SHISA6: variants seen among roughly 807,000 people sequenced by gnomAD.
The protein encoded by SHISA6 is protein shisa-6.
Under a neutral mutation model 47.9 loss-of-function variants are expected in SHISA6, and 22 were observed. The ratio of observed to expected loss-of-function variants is 0.46; its 90% CI spans 0.33 to 0.66. The LOEUF is 0.66. SHISA6 is among the 30% of genes least tolerant of loss of function. The probability of loss-of-function intolerance (pLI) is 0.02; values close to 1 mark genes in which losing one functional copy is unlikely to be tolerated. For missense variants in SHISA6, 680 were observed against 764.6 expected (o/e 0.89, Z 1.30); for synonymous variants, 388 against 337.8 (o/e 1.15, Z -1.63).
chr17:11,459,598 T>G (rs1255381073), intron 3 of SHISA6, among the ~76,000 whole-genome samples: 4 of 152,186 alleles, frequency 2.6e-5, no homozygotes, highest in Non-Finnish European at 5.9e-5. Context: ...AGGTTTTATG[T>G]GCTGTTTAAT....
At chr17:11,332,182 C>T (rs747638619) in intron 2 of SHISA6, among the ~76,000 whole-genome samples, 1 of 151,838 alleles carries the variant, frequency 6.6e-6, no homozygotes, top group Non-Finnish European at 1.5e-5. Flanking sequence ...GACAAGTGAG[C>T]GTCCTAATTA....
chr17:11,539,374 G>C (rs756237682), intron 3 of SHISA6, among the ~76,000 whole-genome samples: 2 of 152,228 alleles, frequency 1.3e-5, no homozygotes, highest in Admixed American at 6.5e-5. Context: ...GCCATTGAAT[G>C]ATCATGAAGA....
intron 1 of SHISA6, among the ~76,000 whole-genome samples, chr17:11,251,002 G>A (rs1907781547): frequency 6.6e-6 from 1 of 152,138 alleles, no homozygotes; most frequent in Admixed American, 6.5e-5. Flanking sequence ...CATCCCGTCT[G>A]AGTGTAGGGG....
chr17:11,315,810 C>G (rs1910491087), intron 2 of SHISA6, among the ~76,000 whole-genome samples: 1 of 152,068 alleles, frequency 6.6e-6, no homozygotes, highest in Non-Finnish European at 1.5e-5. Context: ...ATTTTCCCAT[C>G]AAAATTTGGT....
chr17:11,489,809 C>A (rs2142336998), intron 3 of SHISA6, among the ~76,000 whole-genome samples: 1 of 152,290 alleles, frequency 6.6e-6, no homozygotes, highest in East Asian at 1.9e-4. Context: ...TTACTGGCAA[C>A]TAGTGGGTAA....
chr17:11,346,975 C>T (rs1911719706), intron 2 of SHISA6, among the ~76,000 whole-genome samples: 1 of 152,166 alleles, frequency 6.6e-6, no homozygotes, highest in South Asian at 2.1e-4. Flanking sequence ...CTTTCCATTG[C>T]ATGACTTTTA....
intron 2 of SHISA6, among the ~76,000 whole-genome samples, chr17:11,307,910 G>T (rs2142183525): frequency 6.6e-6 from 1 of 152,296 alleles, no homozygotes; most frequent in East Asian, 1.9e-4. Flanking sequence ...AATGTTGAAG[G>T]TAGAATAACT....
chr17:11,413,038 T>G (rs576385522), intron 3 of SHISA6, among the ~76,000 whole-genome samples: 1 of 152,138 alleles, frequency 6.6e-6, no homozygotes, highest in South Asian at 2.1e-4. Flanking sequence ...ACTTTGCTAC[T>G]CCTCACACAC....
chr17:11,427,836 C>G (rs532125728), intron 3 of SHISA6, among the ~76,000 whole-genome samples: 3 of 152,160 alleles, frequency 2.0e-5, no homozygotes, highest in Admixed American at 2.0e-4. Context: ...ATTCATGGCA[C>G]CCTGTTCTTG....
intron 2 of SHISA6, among the ~76,000 whole-genome samples, chr17:11,379,172 T>C (rs1912921847): frequency 6.7e-6 from 1 of 148,322 alleles, no homozygotes; most frequent in Non-Finnish European, 1.5e-5. Flanking sequence ...CACATATATG[T>C]ATAATATGTA....
At chr17:11,522,173 G>A (rs1023918711) in intron 3 of SHISA6, among the ~76,000 whole-genome samples, 1 of 151,888 alleles carries the variant, frequency 6.6e-6, no homozygotes, top group African/African-American at 2.4e-5. Context: ...CACCGTGTTA[G>A]CCACGATGGT....
At chr17:11,398,201 A>T (rs7220939) in intron 3 of SHISA6, among the ~76,000 whole-genome samples, 52,996 of 151,956 alleles carry the variant, frequency 0.35, 9,612 homozygotes, top group Non-Finnish European at 0.42. Flanking sequence ...AGATTAGTAT[A>T]TGTTTATTCA....
intron 3 of SHISA6, among the ~76,000 whole-genome samples, chr17:11,422,023 T>A (rs1395613044): frequency 6.6e-6 from 1 of 152,152 alleles, no homozygotes; most frequent in Non-Finnish European, 1.5e-5. Flanking sequence ...AGCGCTTGTC[T>A]CCCTTTGGCC....
At chr17:11,419,684 A>G (rs1367971576) in intron 3 of SHISA6, among the ~76,000 whole-genome samples, 2 of 152,236 alleles carry the variant, frequency 1.3e-5, no homozygotes, top group Non-Finnish European at 2.9e-5. Flanking sequence ...GGTAAGCTGT[A>G]CATGTAATCA....
chr17:11,316,419 CTTTTTT>C (rs551048325), intron 2 of SHISA6, among the ~76,000 whole-genome samples: 1 of 56,922 alleles, frequency 1.8e-5, no homozygotes. Context: ...CTCTCTCTCT[CTTTTTT>C]TTTTTTTTTT....
chr17:11,284,772 C>G (rs1909239351), intron 2 of SHISA6, among the ~76,000 whole-genome samples: 1 of 152,198 alleles, frequency 6.6e-6, no homozygotes, highest in South Asian at 2.1e-4. Flanking sequence ...TATATTTTCA[C>G]TGGCATGAAT....
chr17:11,559,055 G>C lies in SHISA6; in HGVS notation c.*751G>C, dbSNP rs2072014119. 1 of 152,978 alleles carries C rather than the reference G, an allele frequency of 6.5e-6. No individual in the cohort carries two copies. Among genetic ancestry groups the C allele is most frequent in the South Asian group, 2.1e-4 (1 of 4,836 alleles). The allele number at this position is 152,978 out of a possible 1,614,324, so 9.5% of individuals were successfully genotyped here. A position where few individuals can be genotyped will look rare whatever the true frequency, so the allele number is the denominator to read the frequency against. The stretch of plus-strand genomic sequence containing the variant: ...TGACTGCCCGCCCATAAGGACCCTG[G>C]GCCTGTCCTTTCAGCGGGCTGTGCT... On this transcript the variant is annotated 3_prime_UTR_variant, in exon 6 of 6. Coordinates refer to ENST00000441885, the MANE Select transcript of SHISA6 (RefSeq NM_207386.4). This position sits in a 1 kb window ranked among gnomAD's most constrained non-coding sequence, Gnocchi z 4.4.
At chr17:11,285,652 G>T (rs992491226) in intron 2 of SHISA6, among the ~76,000 whole-genome samples, 1 of 152,158 alleles carries the variant, frequency 6.6e-6, no homozygotes, top group African/African-American at 2.4e-5. Flanking sequence ...CCCTGGGCTT[G>T]TACAGACTAT....
intron 3 of SHISA6, among the ~76,000 whole-genome samples, chr17:11,468,398 C>T (rs1365709178): frequency 6.6e-6 from 1 of 151,954 alleles, no homozygotes; most frequent in Admixed American, 6.6e-5. Context: ...CAACCAGGGA[C>T]ATCCTCTGGG....
Sources: allele counts gnomAD v4.1 joint callset (sites outside exome capture counted in the v4.1 genomes callset), GRCh38; gene constraint gnomAD v4.1.1; non-coding constraint Gnocchi (gnomAD v3.1); transcripts MANE v1.5; gene names NCBI Gene and HGNC (gene_info 2026-07-23, HGNC 2026-07-21).